The following CDH12 variants were observed in gnomAD, a reference collection of about 807,000 sequenced individuals.
CDH12 encodes cadherin-12.
A neutral mutation model predicts 74.1 loss-of-function variants in CDH12; 41 were observed. The observed-to-expected ratio is 0.55, with a 90% CI of 0.43 to 0.72. The LOEUF (loss-of-function observed/expected upper bound fraction) is 0.72, where lower values mean the gene tolerates loss of function less well. Among genes scored for constraint, CDH12 ranks in the 30% least tolerant of loss-of-function variants. The probability of loss-of-function intolerance (pLI) is 0.00; values close to 1 mark genes in which losing one functional copy is unlikely to be tolerated. For synonymous variants in CDH12, 399 were observed against 355.0 expected, an observed-to-expected ratio of 1.12 and a Z score of -1.39; for missense variants, 945 against 977.2, an observed-to-expected ratio of 0.97 and a Z score of 0.44.
At chr5:22,317,621 G>T (rs1738688125) in intron 3 of CDH12, among the ~76,000 whole-genome samples, 1 of 151,982 alleles carries the variant, frequency 6.6e-6, no homozygotes, top group Admixed American at 6.6e-5. Context: ...CTTAAAAGGG[G>T]TATAAAATGA....
At chr5:21,991,993 T>C (rs1296078647) in intron 5 of CDH12, among the ~76,000 whole-genome samples, 3 of 151,996 alleles carry the variant, frequency 2.0e-5, no homozygotes, top group Non-Finnish European at 4.4e-5. Context: ...ATGAGTAATC[T>C]TAATCCCAAA....
intron 1 of CDH12, among the ~76,000 whole-genome samples, chr5:22,811,745 C>G (rs777795640): frequency 6.6e-6 from 1 of 152,038 alleles, no homozygotes; most frequent in African/African-American, 2.4e-5. Context: ...ATTGTGTAAA[C>G]TTTCTGAAAG....
intron 3 of CDH12, among the ~76,000 whole-genome samples, chr5:22,339,339 A>G (rs370232021): frequency 6.6e-6 from 1 of 152,182 alleles, no homozygotes; most frequent in Non-Finnish European, 1.5e-5. Context: ...AATTCTCTAC[A>G]TCGTAATGAC....
chr5:22,578,649 T>C (rs1739917515), intron 1 of CDH12, among the ~76,000 whole-genome samples: 2 of 152,152 alleles, frequency 1.3e-5, no homozygotes, highest in Admixed American at 6.5e-5. Context: ...ACTGGATTCA[T>C]GTGTGCTCAG....
chr5:21,840,105 T>G (rs1056229968), intron 8 of CDH12, among the ~76,000 whole-genome samples: 1 of 152,080 alleles, frequency 6.6e-6, no homozygotes, highest in Non-Finnish European at 1.5e-5. Flanking sequence ...TATCATCTGA[T>G]ACATGAAAAT....
At chr5:22,671,331 C>T (rs1277757523) in intron 1 of CDH12, among the ~76,000 whole-genome samples, 2 of 152,102 alleles carry the variant, frequency 1.3e-5, no homozygotes, top group Admixed American at 6.6e-5. Flanking sequence ...GGCTGTATTG[C>T]ACTATGCTGA....
At chr5:21,916,437 C>G (rs1250090169) in intron 6 of CDH12, among the ~76,000 whole-genome samples, 1 of 152,100 alleles carries the variant, frequency 6.6e-6, no homozygotes, top group African/African-American at 2.4e-5. Flanking sequence ...ATTAATATTT[C>G]AGCAGATCAA....
chr5:21,776,906 C>T (rs1346728158), intron 11 of CDH12, among the ~76,000 whole-genome samples: 2 of 152,094 alleles, frequency 1.3e-5, no homozygotes, highest in African/African-American at 2.4e-5. Flanking sequence ...TGTTTTTGTT[C>T]ATCAGTTCCC....
intron 11 of CDH12, among the ~76,000 whole-genome samples, chr5:21,768,253 T>G (rs530330305): frequency 6.6e-6 from 1 of 151,814 alleles, no homozygotes; most frequent in African/African-American, 2.4e-5. Context: ...TTGAGGCTCA[T>G]ATCAGATAAC....
chr5:21,995,428 G>A (rs1246528050), intron 5 of CDH12, among the ~76,000 whole-genome samples: 2 of 151,864 alleles, frequency 1.3e-5, no homozygotes. Flanking sequence ...AATAATGGAA[G>A]TTAATTAAAT....
chr5:22,329,784 A>T (rs566417118), intron 3 of CDH12, among the ~76,000 whole-genome samples: 12 of 152,288 alleles, frequency 7.9e-5, no homozygotes, highest in Admixed American at 4.6e-4. Context: ...CAGCGCCCAC[A>T]CATGGAGGGA....
intron 1 of CDH12, among the ~76,000 whole-genome samples, chr5:22,696,442 A>G (rs538951627): frequency 5.9e-5 from 9 of 151,880 alleles, no homozygotes; most frequent in Non-Finnish European, 1.2e-4. Flanking sequence ...AAAATACCAT[A>G]TTGACTTTAA....
intron 3 of CDH12, among the ~76,000 whole-genome samples, chr5:22,351,745 G>A (rs928315963): frequency 6.6e-6 from 1 of 152,096 alleles, no homozygotes; most frequent in Non-Finnish European, 1.5e-5. Context: ...TTATCCTATA[G>A]AATTTCACTT....
chr5:22,150,894 A>G (rs1747530580), intron 4 of CDH12, among the ~76,000 whole-genome samples: 1 of 152,230 alleles, frequency 6.6e-6, no homozygotes. Context: ...GTGGCAGAGA[A>G]GGAATTTTAG....
At chr5:22,497,606 A>C (rs271102) in intron 2 of CDH12, among the ~76,000 whole-genome samples, 140,398 of 147,672 alleles carry the variant, frequency 0.95, 66,857 homozygotes, top group African/African-American at 0.98. Flanking sequence ...GGTCCTTCCA[A>C]TGCCCTCAAG....
intron 1 of CDH12, among the ~76,000 whole-genome samples, chr5:22,595,196 T>G (rs948061407): frequency 6.6e-6 from 1 of 152,200 alleles, no homozygotes; most frequent in Non-Finnish European, 1.5e-5. Context: ...GTTGGTTCTC[T>G]CTGATGCTGG....
At chr5:22,829,069 G>T (rs891649142) in intron 1 of CDH12, among the ~76,000 whole-genome samples, 1 of 152,170 alleles carries the variant, frequency 6.6e-6, no homozygotes, top group Non-Finnish European at 1.5e-5. Context: ...TGAATAAACT[G>T]AAGGAAGTTT....
chr5:21,775,728 T>TA (rs1561173858), intron 11 of CDH12, among the ~76,000 whole-genome samples: 77 of 152,114 alleles, frequency 5.1e-4, no homozygotes, highest in Middle Eastern at 6.8e-3. Flanking sequence ...GTAATTTTTT[T>TA]TAAAAAAATA....
chr5:22,107,479 C>A (rs185250926), intron 4 of CDH12, among the ~76,000 whole-genome samples: 5 of 47,922 alleles, frequency 1.0e-4, no homozygotes, highest in African/African-American at 3.0e-4. Context: ...TATATACATA[C>A]GTATGTATAT....
Sources: allele counts gnomAD v4.1 joint callset (sites outside exome capture counted in the v4.1 genomes callset), GRCh38; gene constraint gnomAD v4.1.1; transcripts MANE v1.5; gene names NCBI Gene and HGNC (gene_info 2026-07-23, HGNC 2026-07-21).